CAST: variants seen among roughly 807,000 people sequenced by gnomAD.
CAST encodes MIR583 host.
A neutral mutation model predicts 119.6 loss-of-function variants in CAST; 76 were observed. That is an observed-to-expected ratio of 0.64 (90% confidence interval 0.53 to 0.77). CAST has a LOEUF of 0.77. Among genes scored for constraint, CAST ranks in the 30% least tolerant of loss-of-function variants. The pLI, the probability that CAST is intolerant of heterozygous loss-of-function variation, is 0.00. For synonymous variants in CAST, 319 were observed against 331.6 expected, an observed-to-expected ratio of 0.96 and a Z score of 0.41; for missense variants, 953 against 946.5, an observed-to-expected ratio of 1.01 and a Z score of -0.09.
rs1771462242 is a variant in CAST at position 96,769,533 on chromosome 5, TG to T, written c.2269-996del. On this transcript the variant is annotated intron_variant, in intron 29 of 31. Transcript: ENST00000675179. ...TTTGGGATGCATAGAAATAATAAAATGGTTACTGTAGGGAAGCAGATTTACA... is the reference window on the plus strand; with the variant it reads ...TTTGGGATGCATAGAAATAATAAAATGTTACTGTAGGGAAGCAGATTTACA... 9 of 152,184 alleles carry T rather than the reference TG, an allele frequency of 5.9e-5. No homozygotes were observed. In the South Asian group the frequency reaches 1.9e-3, roughly 32 times the overall value. The allele number at this position is 152,184 out of a possible 1,614,324, so 9.4% of individuals were successfully genotyped here.
At chr5:96,198,005 C>T in the CAST span, among the ~76,000 whole-genome samples, 1 of 152,202 alleles carries the variant, frequency 6.6e-6, no homozygotes, top group Non-Finnish European at 1.5e-5. Context: ...CTTGAGCTAT[C>T]AGCCTGCCTT....
the CAST span, among the ~76,000 whole-genome samples, chr5:96,364,710 C>T: frequency 6.6e-6 from 1 of 152,144 alleles, no homozygotes; most frequent in African/African-American, 2.4e-5. Context: ...TGATTCTTCT[C>T]TCTTTTCTTC....
chr5:96,577,342 A>G (rs1746691003), intron 1 of CAST, among the ~76,000 whole-genome samples: 1 of 150,852 alleles, frequency 6.6e-6, no homozygotes, highest in Non-Finnish European at 1.5e-5. Context: ...AGTTATTTTC[A>G]TTGATTTTCT....
chr5:96,478,848 A>T, the CAST span, among the ~76,000 whole-genome samples: 1 of 152,248 alleles, frequency 6.6e-6, no homozygotes, highest in Non-Finnish European at 1.5e-5. Flanking sequence ...CGGCCACTGC[A>T]TATCTATATA....
At chr5:96,534,802 AAG>A (rs1291965363) in intron 1 of CAST, among the ~76,000 whole-genome samples, 13 of 104,890 alleles carry the variant, frequency 1.2e-4, no homozygotes, top group Middle Eastern at 9.5e-3. Context: ...AGAAAGAAAG[AAG>A]AAAGAAAGAA....
the CAST span, among the ~76,000 whole-genome samples, chr5:96,101,448 G>T: frequency 6.6e-6 from 1 of 152,104 alleles, no homozygotes; most frequent in African/African-American, 2.4e-5. Context: ...TGAAACCATT[G>T]CCTGCTTGCT....
the CAST span, among the ~76,000 whole-genome samples, chr5:96,199,058 C>G: frequency 6.6e-6 from 1 of 152,092 alleles, no homozygotes; most frequent in Non-Finnish European, 1.5e-5. Flanking sequence ...TTTCTATAAT[C>G]TCTTTGATAA....
the CAST span, among the ~76,000 whole-genome samples, chr5:96,454,521 T>G: frequency 2.0e-5 from 3 of 152,204 alleles, no homozygotes; most frequent in Non-Finnish European, 4.4e-5. Context: ...TAAACACTTT[T>G]GTGGCTGTCT....
At chr5:96,136,033 G>T in the CAST span, among the ~76,000 whole-genome samples, 1 of 152,122 alleles carries the variant, frequency 6.6e-6, no homozygotes, top group East Asian at 1.9e-4. Context: ...TGCACTCTGT[G>T]TGTAGCCCAA....
chr5:96,754,222 A>G, intron 21 of CAST, 61 bp downstream of exon 21: 2 of 1,002,130 alleles, frequency 2.0e-6, no homozygotes, highest in South Asian at 2.6e-5. Context: ...TCCCCCTGCA[A>G]ATAAGTTAGT....
At chr5:96,021,367 G>C in the CAST span, among the ~76,000 whole-genome samples, 4 of 152,034 alleles carry the variant, frequency 2.6e-5, no homozygotes, top group Non-Finnish European at 4.4e-5. Context: ...ATGCCCACAA[G>C]AAACCAGCTT....
At chr5:96,255,571 T>G in the CAST span, among the ~76,000 whole-genome samples, 1 of 152,162 alleles carries the variant, frequency 6.6e-6, no homozygotes, top group Non-Finnish European at 1.5e-5. Flanking sequence ...ATAACTTTTT[T>G]TTTGTCTTGT....
the CAST span, among the ~76,000 whole-genome samples, chr5:96,335,022 C>G: frequency 6.6e-6 from 1 of 152,102 alleles, no homozygotes; most frequent in Non-Finnish European, 1.5e-5. Flanking sequence ...TGTTCAAGGC[C>G]GACCCCAGTT....
chr5:96,392,999 T>C, the CAST span: 2 of 1,614,122 alleles, frequency 1.2e-6, no homozygotes, highest in South Asian at 1.1e-5. Flanking sequence ...CACACACTTA[T>C]TTTAATTTTC....
At chr5:96,325,014 T>A in the CAST span, among the ~76,000 whole-genome samples, 1 of 152,004 alleles carries the variant, frequency 6.6e-6, no homozygotes, top group Non-Finnish European at 1.5e-5. Context: ...AGACTAGCCT[T>A]GCCAACATGG....
chr5:96,063,884 T>C, the CAST span, among the ~76,000 whole-genome samples: 1 of 152,176 alleles, frequency 6.6e-6, no homozygotes, highest in Non-Finnish European at 1.5e-5. Context: ...TACTATGCTA[T>C]GCTGTTGTAA....
the CAST span, among the ~76,000 whole-genome samples, chr5:96,139,693 G>C: frequency 2.0e-5 from 3 of 151,604 alleles, no homozygotes; most frequent in Admixed American, 2.0e-4. Context: ...AAGTGGCCAG[G>C]ATATAGCTCC....
chr5:96,216,762 C>A, the CAST span, among the ~76,000 whole-genome samples: 43 of 152,318 alleles, frequency 2.8e-4, no homozygotes, highest in African/African-American at 9.1e-4. Flanking sequence ...AGTTGCTTTT[C>A]TGGAAGTTAC....
intron 1 of CAST, among the ~76,000 whole-genome samples, chr5:96,534,789 GA>G (rs1298724367): frequency 3.6e-5 from 4 of 110,428 alleles, no homozygotes; most frequent in Middle Eastern, 8.9e-3. Context: ...AAGAAAGAAA[GA>G]AAGAAAGAAA....
Sources: gnomAD v4.1 joint callset for allele counts (sites outside exome capture counted in the v4.1 genomes callset) on GRCh38, gnomAD v4.1.1 for gene constraint, MANE v1.5 for transcripts, NCBI Gene and HGNC (gene_info 2026-07-23, HGNC 2026-07-21) for gene names.